TRPC4AP: variants seen among roughly 807,000 people sequenced by gnomAD.
The protein encoded by TRPC4AP is transient receptor potential cation channel subfamily C member 4 associated protein.
In TRPC4AP, 45 loss-of-function variants were observed where a neutral mutation model predicts 99.0. The observed-to-expected ratio is 0.45, with a 90% CI of 0.36 to 0.58. The LOEUF (loss-of-function observed/expected upper bound fraction) is 0.58, where lower values mean the gene tolerates loss of function less well. Ranked by LOEUF, TRPC4AP falls within the 20% of genes least tolerant of loss-of-function variation. The probability of loss-of-function intolerance (pLI) is 0.00; values close to 1 mark genes in which losing one functional copy is unlikely to be tolerated. For missense variants in TRPC4AP, 879 were observed against 985.3 expected (o/e 0.89, Z 1.44); for synonymous variants, 408 against 385.8 (o/e 1.06, Z -0.67).
chr20:35,060,846 G>C (rs1366168508), intron 3 of TRPC4AP, among the ~76,000 whole-genome samples: 1 of 152,064 alleles, frequency 6.6e-6, no homozygotes, highest in East Asian at 1.9e-4. Flanking sequence ...TCTTCAGCCT[G>C]ATAAAGGGCT....
rs6060151 is a variant in TRPC4AP, at chr20:35,006,423, G to T, written c.1827+12C>A. The T allele has an allele frequency of 0.62, 998,026 of 1,613,004 alleles. 312,637 individuals are homozygous for T. Among genetic ancestry groups the T allele is most frequent in the Admixed American group, 0.79 (47,668 of 59,990 alleles). ...ACCCAGCACACTCCACAGAGCCCTG[G>T]GTTAACTTTACCTTTGCATCGGTGT... On this transcript the variant is annotated intron_variant, in intron 15 of 18. Transcript: ENST00000252015.
chr20:35,017,560 C>A (rs2082783598), intron 9 of TRPC4AP, among the ~76,000 whole-genome samples: 1 of 152,178 alleles, frequency 6.6e-6, no homozygotes, highest in Admixed American at 6.5e-5. Context: ...CACACAGCAC[C>A]AGTGCTCGCT....
At chr20:35,036,781 A>C (rs1253325246) in intron 7 of TRPC4AP, among the ~76,000 whole-genome samples, 1 of 151,836 alleles carries the variant, frequency 6.6e-6, no homozygotes, top group Non-Finnish European at 1.5e-5. Flanking sequence ...CTCCATCTCT[A>C]CCAATAATAC....
In TRPC4AP at chr20:35,050,083, T is replaced by C. The variant is rs534172551; in HGVS notation, c.529-89A>G. On this transcript the variant is annotated intron_variant, in intron 5 of 18. Transcript: ENST00000252015. The stretch of plus-strand genomic sequence containing the variant: ...ATCCTTTACAGACACTGAAAAGCAG[T>C]TTCACCTCTGAAAACTGGCATGAGT... 33 of 1,429,828 alleles carry C rather than the reference T, an allele frequency of 2.3e-5. No homozygotes were observed. In the African/African-American group the frequency reaches 3.9e-4, roughly 17 times the overall value. The allele number at this position is 1,429,828 out of a possible 1,614,324, so 88.6% of individuals were successfully genotyped here.
At chr20:35,067,775 C>A (rs2084181619) in intron 3 of TRPC4AP, among the ~76,000 whole-genome samples, 1 of 152,112 alleles carries the variant, frequency 6.6e-6, no homozygotes, top group African/African-American at 2.4e-5. Context: ...TATTATATAA[C>A]TAAATTTATA....
intron 7 of TRPC4AP, among the ~76,000 whole-genome samples, chr20:35,040,539 G>A (rs931053276): frequency 2.6e-5 from 4 of 152,154 alleles, no homozygotes; most frequent in Non-Finnish European, 5.9e-5. Flanking sequence ...TAAGTTTTCC[G>A]GACTTGGACT....
At chr20:35,021,650 TCTC>T (rs1259163833) in intron 8 of TRPC4AP, among the ~76,000 whole-genome samples, 1 of 152,136 alleles carries the variant, frequency 6.6e-6, no homozygotes, top group African/African-American at 2.4e-5. Context: ...CTTATGCCCT[TCTC>T]CTGCCACCAA....
intron 8 of TRPC4AP, among the ~76,000 whole-genome samples, chr20:35,023,132 A>G (rs1234412514): frequency 1.3e-5 from 2 of 152,198 alleles, no homozygotes; most frequent in Admixed American, 1.3e-4. Context: ...AAGCTGCTGA[A>G]TGAAGTGTGA....
At position 35,087,227 on chromosome 20, in the gene TRPC4AP, T is replaced by A. The variant is rs1243059196; in HGVS notation, c.168+5387A>T. Among the ~76,000 whole-genome samples, 3 of 148,670 alleles carry A rather than the reference T, an allele frequency of 2.0e-5. No individual in the cohort carries two copies. In the South Asian group the frequency reaches 6.4e-4, roughly 32 times the overall value. ...GGTGGCGGGCACCTGTAGTCCCAGC[T>A]ACTCGGGAGGCTGAGGCAGGAGAAT... On this transcript the variant is annotated intron_variant, in intron 1 of 18. Transcript: ENST00000252015.
At chr20:35,005,497 A>G (rs903879978) in intron 16 of TRPC4AP, among the ~76,000 whole-genome samples, 198 bp downstream of exon 16, 3 of 152,226 alleles carry the variant, frequency 2.0e-5, no homozygotes, top group Non-Finnish European at 4.4e-5. Flanking sequence ...CTTGCTAGCA[A>G]CAATGGATTT....
rs756200304 is a variant in TRPC4AP, at chr20:35,016,131, T to C, written c.1227A>G (p.Arg409=). ...LMGRQRNQVH[R]MIAEFKLIPG... ...GGATCAGCTTGAACTCTGCAATCATTCTGTGAACCTGAATGGGATAGGAAG... is the reference window on the plus strand; with the variant it reads ...GGATCAGCTTGAACTCTGCAATCATCCTGTGAACCTGAATGGGATAGGAAG... Residue 409 remains arginine, a synonymous_variant, in exon 10 of 19, where the codon AGA becomes AGG. Transcript: ENST00000252015. 5.6e-6 allele frequency: 9 copies of C among 1,614,160 alleles called. No homozygotes were observed. The East Asian group carries it at 2.0e-4, about 36-fold the overall frequency.
chr20:35,036,494 A>G (rs1442744170), intron 7 of TRPC4AP, among the ~76,000 whole-genome samples: 2 of 152,226 alleles, frequency 1.3e-5, no homozygotes, highest in African/African-American at 2.4e-5. Flanking sequence ...ATATCAAGGG[A>G]TTACTATTAA....
chr20:35,045,715 T>C (rs2147364016), intron 6 of TRPC4AP, among the ~76,000 whole-genome samples: 1 of 152,184 alleles, frequency 6.6e-6, no homozygotes, highest in East Asian at 1.9e-4. Context: ...ATTTTTGTAT[T>C]TTTTAGTAGA....
chr20:35,028,150 C>G (rs1016046288), intron 8 of TRPC4AP, among the ~76,000 whole-genome samples: 3 of 151,836 alleles, frequency 2.0e-5, no homozygotes, highest in African/African-American at 4.8e-5. Flanking sequence ...TCTAAGCACG[C>G]TTTAGCTGCA....
chr20:35,013,695 T>A (rs75535620), intron 10 of TRPC4AP, among the ~76,000 whole-genome samples: 2 of 152,148 alleles, frequency 1.3e-5, no homozygotes, highest in African/African-American at 4.8e-5. Flanking sequence ...AAGGAACTGA[T>A]ACTCAGCAGC....
chr20:35,055,119 T>C, intron 4 of TRPC4AP, 88 bp from the exon 5 acceptor site: 1 of 1,129,986 alleles, frequency 8.8e-7, no homozygotes, highest in Non-Finnish European at 1.3e-6. Flanking sequence ...TAAGAACTGT[T>C]ATAATCCCCT....
intron 11 of TRPC4AP, among the ~76,000 whole-genome samples, chr20:35,012,116 G>C (rs1364022648): frequency 6.6e-6 from 1 of 152,212 alleles, no homozygotes; most frequent in African/African-American, 2.4e-5. Flanking sequence ...CATAACATAT[G>C]TGGTGCCATT....
rs1203979805 is a variant in TRPC4AP at position 35,006,444 on chromosome 20, G to A, written c.1818C>T (p.Thr606=). Residue 606 remains threonine (T), a synonymous_variant, in exon 15 of 19, where the codon ACC becomes ACT. Transcript: ENST00000252015. The stretch of plus-strand genomic sequence containing the variant: ...CCTGGGTTAACTTTACCTTTGCATC[G>A]GTGTTGATATATTTATTGAATCTCT... ...AFKRFNKYIN[T]DAKFQVFLKQ... 59 of 1,613,972 alleles carry A rather than the reference G, an allele frequency of 3.7e-5. No individual in the cohort carries two copies. The highest frequency in any genetic ancestry group is 4.7e-5 in the Non-Finnish European group (56 of 1,180,004).
intron 8 of TRPC4AP, among the ~76,000 whole-genome samples, chr20:35,030,151 G>C (rs1455418781): frequency 6.8e-6 from 1 of 147,296 alleles, no homozygotes; most frequent in Non-Finnish European, 1.5e-5. Flanking sequence ...TGAGGTAGGG[G>C]AATCACTTGA....
Sources: gnomAD v4.1 joint callset for allele counts (sites outside exome capture counted in the v4.1 genomes callset) on GRCh38, gnomAD v4.1.1 for gene constraint, MANE v1.5 for transcripts, NCBI Gene and HGNC (gene_info 2026-07-23, HGNC 2026-07-21) for gene names.